LAS1L: variants seen among roughly 807,000 people sequenced by gnomAD.
The protein encoded by LAS1L is LAS1 like ribosome biogenesis factor.
Under a neutral mutation model 57.3 loss-of-function variants are expected in LAS1L, and 5 were observed. The ratio of observed to expected loss-of-function variants is 0.09; its 90% CI spans 0.05 to 0.18. The LOEUF (loss-of-function observed/expected upper bound fraction) is 0.18. LAS1L is among the 10% of genes least tolerant of loss of function. The pLI, the probability that LAS1L is intolerant of heterozygous loss-of-function variation, is 1.00. For missense variants in LAS1L, 360 were observed against 568.3 expected (o/e 0.63, Z 3.73); for synonymous variants, 245 against 231.7 (o/e 1.06, Z -0.52).
rs1371889606 is a variant in LAS1L, at chrX:65,531,363, G to A, written c.508C>T (p.Arg170Cys). The A allele has an allele frequency of 8.3e-7, 1 of 1,201,814 alleles. No homozygotes were observed. The highest frequency in any genetic ancestry group is 2.2e-5 in the Admixed American group (1 of 45,973). ...ATAACCTCTGAGGACTCACCTCTGCGGCAGTCATTTATATGGGGCATTTTC... is the reference window on the plus strand; with the variant it reads ...ATAACCTCTGAGGACTCACCTCTGCAGCAGTCATTTATATGGGGCATTTTC... ...HKKMPHINDC[R>C]RGCYFVLDWL... Residue 170 changes from arginine to cysteine, a missense_variant, in exon 4 of 14, where the codon CGC becomes TGC. Arg to Cys is a radical substitution (Grantham distance 180). Transcript: ENST00000374811.
intron 5 of LAS1L, 49 bp from the exon 6 acceptor site, chrX:65,529,307 C>CAGGAGAAGGGG: frequency 9.6e-7 from 1 of 1,043,960 alleles, no homozygotes; most frequent in Non-Finnish European, 1.3e-6. Flanking sequence ...CAGACCCCTT[C>CAGGAGAAGGGG]TCCTGATGGG....
chrX:65,519,597 G>A (rs2747382), intron 11 of LAS1L, among the ~76,000 whole-genome samples: 98 of 112,054 alleles, frequency 8.7e-4, no homozygotes, highest in African/African-American at 2.9e-3. Flanking sequence ...ACAAAAGACG[G>A]CGCCAACAGC....
At chrX:65,533,887 T>C in intron 1 of LAS1L, 152 bp from the exon 2 acceptor site, 1 of 587,649 alleles carries the variant, frequency 1.7e-6, no homozygotes, top group African/African-American at 2.3e-5. Flanking sequence ...GGAGACACGG[T>C]AATGTCTGTG....
intron 13 of LAS1L, among the ~76,000 whole-genome samples, chrX:65,513,315 C>T (rs2068512474): frequency 8.9e-6 from 1 of 112,009 alleles, no homozygotes; most frequent in African/African-American, 3.2e-5. Context: ...GGTTAAGGGG[C>T]CCAAGGCCAG....
rs2069035495 is a variant in LAS1L, at chrX:65,524,742, C to T, written c.1043-128G>A. On this transcript the variant is annotated intron_variant, in intron 8 of 13. Transcript: ENST00000374811. ...TAATGTCATTAAGACTCCCCGACCCCACCCCATCCCACCCCACCCCATTCC... is the reference window on the plus strand; with the variant it reads ...TAATGTCATTAAGACTCCCCGACCCTACCCCATCCCACCCCACCCCATTCC... The T allele has an allele frequency of 6.7e-6, 3 of 447,775 alleles. No homozygotes were observed. In the African/African-American group the frequency reaches 8.1e-5, roughly 12 times the overall value. The allele number at this position is 447,775 out of a possible 1,213,427, so 36.9% of individuals were successfully genotyped here.
intron 3 of LAS1L, among the ~76,000 whole-genome samples, chrX:65,531,907 C>A (rs1029140571): frequency 8.9e-6 from 1 of 112,200 alleles, no homozygotes; most frequent in Non-Finnish European, 1.9e-5. Flanking sequence ...GGCAACAGAG[C>A]AAAACTCTGT....
rs1364552896 is a variant in LAS1L, at chrX:65,524,621, C to A, written c.1043-7G>T. The A allele has an allele frequency of 1.9e-6, 1 of 527,087 alleles. No homozygotes were observed. The highest frequency in any genetic ancestry group is 2.5e-5 in the South Asian group (1 of 40,623). 43.4% of individuals were successfully genotyped at this position (527,087 alleles called of 1,213,427 possible). ...TGGACCTCAGTCTGACCATCTGTAACATGAGGATGTTGGACTAGATGACCT... is the reference window on the plus strand; with the variant it reads ...TGGACCTCAGTCTGACCATCTGTAAAATGAGGATGTTGGACTAGATGACCT... On this transcript the variant is annotated splice_polypyrimidine_tract_variant and splice_region_variant and intron_variant, in intron 8 of 13. Coordinates refer to ENST00000374811, the MANE Select transcript of LAS1L (RefSeq NM_031206.7).
chrX:65,532,405 T>G lies in LAS1L; in HGVS notation c.432+156A>C, dbSNP rs765846609. ...ATGAGAGCAAGGGAGCAACTGTGCC[T>G]CCTTCAGGCTGGAAGCTGAGGCTCT... On this transcript the variant is annotated intron_variant, in intron 3 of 13. Transcript: ENST00000374811. 1.3e-3 allele frequency among the ~76,000 whole-genome samples: 146 copies of G among 112,882 alleles called. 1 individual carries two copies. The highest frequency in any genetic ancestry group is 4.5e-3 in the African/African-American group (140 of 31,121).
In LAS1L at chrX:65,523,607, C is replaced by T. The variant is rs1316769301; in HGVS notation, c.1401G>A (p.Glu467=). The change falls in exon 11 of 14, where the codon GAG becomes GAA. Residue 467 remains glutamate (E), a synonymous_variant. Coordinates refer to ENST00000374811, the MANE Select transcript of LAS1L (RefSeq NM_031206.7). ...CCCAGCAAGGTGAGCCCAAGCAGGA[C>T]TCAACCATCCGGGGCCAGTCAAGGG... ...SASLDWPRMV[E]SCLGSPCWAS... 1.7e-6 allele frequency: 2 copies of T among 1,203,760 alleles called. No individual in the cohort carries two copies. The highest frequency in any genetic ancestry group is 2.2e-5 in the Admixed American group (1 of 45,272).
chrX:65,523,345 C>T, intron 11 of LAS1L: 1 of 348,375 alleles, frequency 2.9e-6, no homozygotes, highest in East Asian at 4.4e-5. Flanking sequence ...CATTCCCACA[C>T]TGGACTCAGT....
chrX:65,516,945 C>T (rs984554902), intron 12 of LAS1L, among the ~76,000 whole-genome samples: 1 of 111,186 alleles, frequency 9.0e-6, no homozygotes, highest in Non-Finnish European at 1.9e-5. Context: ...CCACTGCACA[C>T]CCCACATCAC....
chrX:65,533,557 C>T (rs2069611515), intron 2 of LAS1L, 53 bp downstream of exon 2: 5 of 1,183,023 alleles, frequency 4.2e-6, no homozygotes, highest in Non-Finnish European at 4.6e-6. Flanking sequence ...ACATGCCTCC[C>T]CTGCCTCCAG....
chrX:65,525,763 AAAAAAG>A (rs1456235751), intron 7 of LAS1L, among the ~76,000 whole-genome samples: 3 of 108,148 alleles, frequency 2.8e-5, no homozygotes, highest in Non-Finnish European at 3.8e-5. Flanking sequence ...AAAAAAAAAA[AAAAAAG>A]AAAGAAATTG....
chrX:65,533,182 G>A (rs2069587936), intron 2 of LAS1L, among the ~76,000 whole-genome samples: 3 of 111,124 alleles, frequency 2.7e-5, no homozygotes, highest in African/African-American at 9.8e-5. Context: ...GTTCATGAGG[G>A]AGAGAAGGGG....
intron 9 of LAS1L, 126 bp from the exon 10 acceptor site, chrX:65,524,388 G>C (rs1346165215): frequency 3.6e-6 from 2 of 559,190 alleles, no homozygotes; most frequent in South Asian, 2.7e-5. Flanking sequence ...GTGTGCGCGC[G>C]CATGAGCCAA....
intron 13 of LAS1L, 107 bp downstream of exon 13, chrX:65,514,716 C>G: frequency 1.3e-6 from 1 of 787,138 alleles, no homozygotes; most frequent in Non-Finnish European, 1.8e-6. Context: ...CTCATTTAGG[C>G]CCTGACTGGG....
chrX:65,533,457 A>G (rs1021002618), intron 2 of LAS1L, among the ~76,000 whole-genome samples, 153 bp downstream of exon 2: 1 of 111,316 alleles, frequency 9.0e-6, no homozygotes, highest in African/African-American at 3.3e-5. Context: ...CCAAAAGCTG[A>G]TAAGTCAAGC....
At position 65,517,231 on chromosome X, in the gene LAS1L, CTTCT is replaced by C. The variant is rs750142412; in HGVS notation, c.1927+752_1927+755del. On this transcript the variant is annotated intron_variant, in intron 12 of 13. Coordinates refer to ENST00000374811, the MANE Select transcript of LAS1L (RefSeq NM_031206.7). ...TTCTCTGACTTAATGCCCTAGGTTC[CTTCT>C]TTCTTTCTTTCTTTCTTTTTTTTTT... 3.0e-3 allele frequency among the ~76,000 whole-genome samples: 313 copies of C among 104,422 alleles called. 6 individuals carry two copies. The East Asian group carries it at 0.035, about 12-fold the overall frequency. 90.7% of individuals were successfully genotyped at this position (104,422 alleles called of 115,157 possible).
Position 65,524,972 on chromosome X carries a change from T to A in LAS1L, c.1035A>T (p.Glu345Asp), listed in dbSNP as rs748046887. Residue 345 changes from glutamate (E) to aspartate (D), a missense_variant, in exon 8 of 14, where the codon GAA (glutamate) becomes GAT (aspartate). Physicochemically the swap from Glu to Asp is conservative, Grantham distance 45. Transcript: ENST00000374811. ...GAGCCCCCAGAACCCTACCTTCATA[T>A]TCTATCTGCAAAGCTGCCAACTGTT... Reference protein sequence around the residue: ...TFEQLAALQIEYEDGQTEVQR... With the variant: ...TFEQLAALQIDYEDGQTEVQR... The A allele has an allele frequency of 8.3e-7, 1 of 1,207,415 alleles. No homozygotes were observed. Among genetic ancestry groups the A allele is most frequent in the Non-Finnish European group, 1.1e-6 (1 of 892,552 alleles).
Sources: allele counts gnomAD v4.1 joint callset (sites outside exome capture counted in the v4.1 genomes callset), GRCh38; gene constraint gnomAD v4.1.1; transcripts MANE v1.5; gene names NCBI Gene and HGNC (gene_info 2026-07-23, HGNC 2026-07-21).